The following OSBPL9 variants were observed in gnomAD, a reference collection of about 807,000 sequenced individuals.
OSBPL9 encodes the protein oxysterol binding protein like 9.
Under a neutral mutation model 106.6 loss-of-function variants are expected in OSBPL9, and 40 were observed. That is an observed-to-expected ratio of 0.38 (90% CI 0.29 to 0.49). The LOEUF is 0.49. Among genes scored for constraint, OSBPL9 ranks in the 20% least tolerant of loss-of-function variants. OSBPL9 has a pLI of 0.97. For synonymous variants in OSBPL9, 269 were observed against 295.4 expected, an observed-to-expected ratio of 0.91 and a Z score of 0.92; for missense variants, 609 against 887.2, an observed-to-expected ratio of 0.69 and a Z score of 3.98.
At chr1:51,579,336 A>G (rs930790026) in intron 1 of OSBPL9, among the ~76,000 whole-genome samples, 1 of 152,226 alleles carries the variant, frequency 6.6e-6, no homozygotes, top group Non-Finnish European at 1.5e-5. Flanking sequence ...ATATGTATAC[A>G]AAGATATACA....
At chr1:51,574,999 C>T (rs971411716), upstream of OSBPL9, among the ~76,000 whole-genome samples, 1 of 152,186 alleles carries the variant, frequency 6.6e-6, no homozygotes, top group Non-Finnish European at 1.5e-5. Flanking sequence ...CTTGGCACTC[C>T]AACCAAATGT....
intron 12 of OSBPL9, among the ~76,000 whole-genome samples, chr1:51,766,716 A>G (rs1208375087): frequency 2.0e-5 from 3 of 150,932 alleles, no homozygotes; most frequent in African/African-American, 7.3e-5. Flanking sequence ...TTACAGGGAA[A>G]TGGAAGTCCA....
chr1:51,556,986 A>G, the OSBPL9 span, among the ~76,000 whole-genome samples: 1 of 152,004 alleles, frequency 6.6e-6, no homozygotes. Flanking sequence ...ACACAAAGAC[A>G]GGGTAAATGC....
chr1:51,731,322 G>A (rs1034913601), intron 4 of OSBPL9, among the ~76,000 whole-genome samples: 1 of 151,918 alleles, frequency 6.6e-6, no homozygotes, highest in African/African-American at 2.4e-5. Context: ...GTGGTGATGT[G>A]CACCTGTGTT....
chr1:51,782,583 C>T lies in OSBPL9; in HGVS notation c.1453C>T (p.Pro485Ser). Residue 485 changes from proline to serine, a missense_variant, in exon 17 of 24, where the codon CCC (proline) becomes TCC (serine). Coordinates refer to ENST00000428468, the MANE Select transcript of OSBPL9 (RefSeq NM_024586.6). ...NTELVSEGPV[P>S]WVSKNSVTFV... ...GGAACTAGTTTCAGAAGGACCAGTTCCCTGGGTTTCCAAAAACAGTGTAAC... is the reference window on the plus strand; with the variant it reads ...GGAACTAGTTTCAGAAGGACCAGTTTCCTGGGTTTCCAAAAACAGTGTAAC... 6.2e-7 allele frequency: 1 copy of T among 1,613,984 alleles called. No individual in the cohort carries two copies. Among genetic ancestry groups the T allele is most frequent in the African/African-American group, 1.3e-5 (1 of 75,012 alleles).
chr1:51,707,901 G>A (rs1445340854), intron 3 of OSBPL9: 1 of 241,080 alleles, frequency 4.1e-6, no homozygotes, highest in South Asian at 6.8e-5. Context: ...TGATTTTGGT[G>A]GGATCTCACT....
At chr1:51,758,248 A>G (rs960024411) in intron 9 of OSBPL9, among the ~76,000 whole-genome samples, 6 of 152,150 alleles carry the variant, frequency 3.9e-5, no homozygotes, top group Admixed American at 1.3e-4. Context: ...TCCATTCTAC[A>G]AAATAGAATG....
At chr1:51,696,813 A>G (rs990493670) in intron 3 of OSBPL9, among the ~76,000 whole-genome samples, 3 of 151,160 alleles carry the variant, frequency 2.0e-5, no homozygotes, top group African/African-American at 7.3e-5. Flanking sequence ...GTTTTTTTTT[A>G]TTTTTTATTT....
the OSBPL9 span, among the ~76,000 whole-genome samples, chr1:51,548,617 T>C: frequency 6.6e-6 from 1 of 152,164 alleles, no homozygotes; most frequent in African/African-American, 2.4e-5. Context: ...CTAGAACTCC[T>C]GGGCTCAAGT....
chr1:51,617,342 G>T, intron 1 of OSBPL9, 121 bp downstream of exon 1: 2 of 1,003,226 alleles, frequency 2.0e-6, no homozygotes, highest in Non-Finnish European at 1.4e-6. Flanking sequence ...CGCCGTACGC[G>T]AGGGTTCCCT....
At chr1:51,632,236 T>C (rs139202009) in intron 1 of OSBPL9, among the ~76,000 whole-genome samples, 1 of 152,350 alleles carries the variant, frequency 6.6e-6, no homozygotes, top group African/African-American at 2.4e-5. Flanking sequence ...TGCTATATTT[T>C]ATACGTCTGG....
At chr1:51,700,458 T>C (rs1656990764) in intron 3 of OSBPL9, among the ~76,000 whole-genome samples, 2 of 152,250 alleles carry the variant, frequency 1.3e-5, no homozygotes, top group Non-Finnish European at 2.9e-5. Flanking sequence ...TTGCTTTTAG[T>C]TGTAATAGTT....
intron 1 of OSBPL9, among the ~76,000 whole-genome samples, chr1:51,589,224 G>C (rs535820845): frequency 1.3e-5 from 2 of 152,102 alleles, no homozygotes; most frequent in Admixed American, 1.3e-4. Context: ...AAGTAGCTGG[G>C]ACCACAGGTG....
the OSBPL9 span, among the ~76,000 whole-genome samples, chr1:51,528,558 C>A: frequency 6.7e-6 from 1 of 149,310 alleles, no homozygotes; most frequent in Non-Finnish European, 1.5e-5. Flanking sequence ...AAAAAAAAAA[C>A]AAACTGAAAA....
At chr1:51,741,365 CTTCTT>C (rs1240513923) in intron 4 of OSBPL9, among the ~76,000 whole-genome samples, 1 of 151,604 alleles carries the variant, frequency 6.6e-6, no homozygotes, top group African/African-American at 2.4e-5. Flanking sequence ...TTAGATTTTG[CTTCTT>C]TTCTTTCTCT....
intron 4 of OSBPL9, among the ~76,000 whole-genome samples, chr1:51,723,453 A>G (rs1403736874): frequency 6.6e-6 from 1 of 152,060 alleles, no homozygotes; most frequent in Non-Finnish European, 1.5e-5. Flanking sequence ...TTTAAGTTTC[A>G]TCCTCATCTT....
At chr1:51,639,907 C>A (rs1645681294) in intron 1 of OSBPL9, among the ~76,000 whole-genome samples, 1 of 148,744 alleles carries the variant, frequency 6.7e-6, no homozygotes, top group African/African-American at 2.5e-5. Flanking sequence ...TCATTGCAGC[C>A]TTGACCTCCT....
intron 2 of OSBPL9, among the ~76,000 whole-genome samples, chr1:51,604,798 C>T (rs1041848866): frequency 6.6e-6 from 1 of 151,896 alleles, no homozygotes; most frequent in Non-Finnish European, 1.5e-5. Context: ...GGATTACAGG[C>T]GCCTGCCACC....
intron 3 of OSBPL9, chr1:51,669,781 G>A (rs1649427819): frequency 3.5e-6 from 2 of 570,816 alleles, no homozygotes; most frequent in South Asian, 1.5e-5. Flanking sequence ...GAGAGTAATG[G>A]GCTGCTGCTG....
Sources: gnomAD v4.1 joint callset for allele counts (sites outside exome capture counted in the v4.1 genomes callset) on GRCh38, gnomAD v4.1.1 for gene constraint, MANE v1.5 for transcripts, NCBI Gene and HGNC (gene_info 2026-07-23, HGNC 2026-07-21) for gene names.